FKBP9: variants seen among roughly 807,000 people sequenced by gnomAD.
FKBP9 encodes the protein FKBP prolyl isomerase 9, also known as peptidyl-prolyl cis-trans isomerase FKBP9.
In FKBP9, 27 loss-of-function variants were observed where a neutral mutation model predicts 55.6. The observed-to-expected ratio is 0.49, with a 90% CI of 0.36 to 0.67. FKBP9 has a LOEUF of 0.67. FKBP9 is among the 30% of genes least tolerant of loss of function. The probability of loss-of-function intolerance (pLI) is 0.00; values close to 1 mark genes in which losing one functional copy is unlikely to be tolerated. For synonymous variants in FKBP9, 267 were observed against 296.5 expected, an observed-to-expected ratio of 0.90 and a Z score of 1.02; for missense variants, 539 against 742.8, an observed-to-expected ratio of 0.73 and a Z score of 3.19.
intron 6 of FKBP9, among the ~76,000 whole-genome samples, chr7:32,991,529 A>G (rs961239768): frequency 6.6e-6 from 1 of 152,180 alleles, no homozygotes; most frequent in Non-Finnish European, 1.5e-5. Context: ...TGCATACCAC[A>G]GGGCCAGGCA....
At chr7:32,999,021 C>A (rs1211770333) in intron 7 of FKBP9, among the ~76,000 whole-genome samples, 1 of 152,208 alleles carries the variant, frequency 6.6e-6, no homozygotes, top group South Asian at 2.1e-4. Flanking sequence ...CTGGAATATT[C>A]TGTCATAAGA....
In FKBP9 at chr7:33,005,784, A is replaced by T. The variant is rs10525; in HGVS notation, c.*433A>T. The T allele has an allele frequency of 0.53, 123,850 of 232,460 alleles. 34,972 individuals are homozygous for T. The highest frequency in any genetic ancestry group is 0.73 in the African/African-American group (32,671 of 44,952). The allele number at this position is 232,460 out of a possible 1,614,324, so 14.4% of individuals were successfully genotyped here. On this transcript the variant is annotated 3_prime_UTR_variant, in exon 10 of 10. Coordinates refer to ENST00000242209, the MANE Select transcript of FKBP9 (RefSeq NM_007270.5). ...GGTTAAAACATTTTAGAAATATTCT[A>T]GAGATGGGCAGGAGAGTCAAAGGGC...
intron 4 of FKBP9, chr7:32,979,342 A>C (rs1486002794): frequency 1.6e-6 from 1 of 615,810 alleles, no homozygotes; most frequent in Non-Finnish European, 2.9e-6. Flanking sequence ...TCTTAAATGA[A>C]AAGATACAGT....
Position 32,974,205 on chromosome 7 carries a change from G to GT in FKBP9, c.222-412_222-411insT, listed in dbSNP as rs894968170. The stretch of plus-strand genomic sequence containing the variant: ...TTTATTTATTTAGTAGAGGCGGGGG[G>GT]GCCTCACTTTGTTGCCCCGGCTGGT... On this transcript the variant is annotated intron_variant, in intron 1 of 9. Transcript: ENST00000242209. 1.5e-4 allele frequency among the ~76,000 whole-genome samples: 22 copies of GT among 151,146 alleles called. 1 individual carries two copies. The East Asian group carries it at 3.3e-3, about 23-fold the overall frequency.
intron 1 of FKBP9, among the ~76,000 whole-genome samples, chr7:32,961,889 G>T (rs1397073736): frequency 2.0e-5 from 3 of 151,942 alleles, no homozygotes; most frequent in African/African-American, 7.3e-5. Flanking sequence ...AGGAAAACAA[G>T]CTCAGGGCTC....
chr7:32,974,517 G>A (rs1316059016), intron 1 of FKBP9, 100 bp from the exon 2 acceptor site: 6 of 994,726 alleles, frequency 6.0e-6, no homozygotes, highest in Admixed American at 4.2e-5. Context: ...CTTTGCTATG[G>A]CCCCATTACA....
At chr7:33,004,695 G>T (rs1274830271) in intron 9 of FKBP9, among the ~76,000 whole-genome samples, 11 of 152,032 alleles carry the variant, frequency 7.2e-5, no homozygotes, top group Admixed American at 6.6e-4. Flanking sequence ...CTATTTTTAT[G>T]TTCATGTCTA....
chr7:32,973,696 T>TG (rs1583848029), intron 1 of FKBP9, among the ~76,000 whole-genome samples: 2 of 129,262 alleles, frequency 1.5e-5, no homozygotes, highest in South Asian at 5.4e-4. Context: ...TTTTTTTTTT[T>TG]TTTTTTTTTT....
intron 6 of FKBP9, among the ~76,000 whole-genome samples, chr7:32,995,627 AG>A (rs1428065010): frequency 6.6e-6 from 1 of 152,246 alleles, no homozygotes; most frequent in African/African-American, 2.4e-5. Context: ...GTATTCTAAA[AG>A]CACCTTGTGA....
intron 8 of FKBP9, among the ~76,000 whole-genome samples, chr7:33,000,509 T>C (rs1386135669): frequency 6.6e-6 from 1 of 151,832 alleles, no homozygotes; most frequent in Non-Finnish European, 1.5e-5. Flanking sequence ...TCTTGGATCT[T>C]CAGACCCATG....
chr7:32,993,233 C>T (rs1340739828), intron 6 of FKBP9, among the ~76,000 whole-genome samples: 3 of 152,148 alleles, frequency 2.0e-5, no homozygotes, highest in Non-Finnish European at 4.4e-5. Context: ...AACATCTTTA[C>T]CTTGTTAACC....
intron 1 of FKBP9, among the ~76,000 whole-genome samples, chr7:32,967,920 G>T (rs1424667350): frequency 6.6e-6 from 1 of 151,908 alleles, no homozygotes; most frequent in African/African-American, 2.4e-5. Flanking sequence ...ATGCCCAGCT[G>T]ATTTTTGTAT....
At chr7:32,957,838 T>A (rs747082908) in intron 1 of FKBP9, 44 bp downstream of exon 1, 1 of 1,351,168 alleles carries the variant, frequency 7.4e-7, no homozygotes, top group Non-Finnish European at 9.6e-7. Flanking sequence ...CGGATGCGCG[T>A]CCCTCTCTCC....
chr7:32,965,220 T>A (rs904443252), intron 1 of FKBP9, among the ~76,000 whole-genome samples: 32 of 152,064 alleles, frequency 2.1e-4, no homozygotes, highest in Admixed American at 7.9e-4. Flanking sequence ...AACCTCTGCC[T>A]CCTGGGTTCA....
At chr7:33,000,311 A>C (rs781228986) in intron 8 of FKBP9, 51 bp downstream of exon 8, 2 of 1,505,144 alleles carry the variant, frequency 1.3e-6, no homozygotes, top group East Asian at 4.6e-5. Context: ...TACTATCTGA[A>C]TTTTGTGCTT....
chr7:32,989,630 A>G (rs1583863131), intron 6 of FKBP9, among the ~76,000 whole-genome samples: 1 of 152,186 alleles, frequency 6.6e-6, no homozygotes, highest in Middle Eastern at 3.4e-3. Flanking sequence ...TATGTTGGCC[A>G]GGCTAGTCTC....
chr7:32,963,228 G>A (rs1355050951), intron 1 of FKBP9, among the ~76,000 whole-genome samples: 3 of 151,996 alleles, frequency 2.0e-5, no homozygotes, highest in South Asian at 4.2e-4. Flanking sequence ...AAGGAACAGT[G>A]AGAGGCTCCA....
At chr7:32,982,654 G>T (rs529245757) in intron 5 of FKBP9, among the ~76,000 whole-genome samples, 21 of 151,940 alleles carry the variant, frequency 1.4e-4, no homozygotes, top group Non-Finnish European at 3.1e-4. Flanking sequence ...GTGTGGTTCT[G>T]TTCTTTATTC....
intron 7 of FKBP9, 76 bp from the exon 8 acceptor site, chr7:33,000,039 T>C (rs943632085): frequency 6.5e-6 from 10 of 1,543,216 alleles, no homozygotes; most frequent in Non-Finnish European, 8.1e-6. Context: ...CTAGAAGTGA[T>C]GTGTTCTTCT....
Sources: gnomAD v4.1 joint callset for allele counts (sites outside exome capture counted in the v4.1 genomes callset) on GRCh38, gnomAD v4.1.1 for gene constraint, MANE v1.5 for transcripts, NCBI Gene and HGNC (gene_info 2026-07-23, HGNC 2026-07-21) for gene names.